The following CDH18 variants were observed in gnomAD, a reference collection of about 807,000 sequenced individuals.
CDH18 encodes the protein cadherin-18.
In CDH18, 31 loss-of-function variants were observed where a neutral mutation model predicts 67.9. That is an observed-to-expected ratio of 0.46 (90% CI 0.34 to 0.62). The LOEUF is 0.62. Ranked by LOEUF, CDH18 falls within the 20% of genes least tolerant of loss-of-function variation. CDH18 has a pLI of 0.01. For missense variants in CDH18, 890 were observed against 975.5 expected, an observed-to-expected ratio of 0.91 and a Z score of 1.17; for synonymous variants, 362 against 347.2, an observed-to-expected ratio of 1.04 and a Z score of -0.48.
intron 2 of CDH18, among the ~76,000 whole-genome samples, chr5:20,086,384 T>G (rs1343251196): frequency 6.6e-6 from 1 of 152,224 alleles, no homozygotes; most frequent in Non-Finnish European, 1.5e-5. Flanking sequence ...CTACACCGAT[T>G]TATCTGGAAG....
intron 2 of CDH18, among the ~76,000 whole-genome samples, chr5:19,867,998 C>T (rs892819331): frequency 2.0e-5 from 3 of 152,142 alleles, no homozygotes; most frequent in South Asian, 2.1e-4. Context: ...CAGCACTTCT[C>T]CTTCCTGCCA....
At chr5:19,504,392 A>C (rs576365602) in intron 10 of CDH18, among the ~76,000 whole-genome samples, 1 of 151,888 alleles carries the variant, frequency 6.6e-6, no homozygotes, top group Non-Finnish European at 1.5e-5. Flanking sequence ...ATTTCCCTCC[A>C]TATTTATTTA....
At chr5:20,496,282 C>T (rs1284392182) in intron 1 of CDH18, among the ~76,000 whole-genome samples, 1 of 152,084 alleles carries the variant, frequency 6.6e-6, no homozygotes, top group Non-Finnish European at 1.5e-5. Context: ...GTTTCTACAG[C>T]TCAATACTGT....
At chr5:20,573,863 AAT>A (rs1382788371) in intron 1 of CDH18, among the ~76,000 whole-genome samples, 45 of 22,348 alleles carry the variant, frequency 2.0e-3, no homozygotes, top group South Asian at 8.7e-3. Context: ...ATATAAAAGA[AAT>A]ATATATATGT....
At chr5:20,324,104 C>T (rs73763356) in intron 1 of CDH18, among the ~76,000 whole-genome samples, 16,468 of 152,078 alleles carry the variant, frequency 0.11, 1,443 homozygotes, top group East Asian at 0.36. Context: ...AAATATACTA[C>T]ATCGATTTAA....
At chr5:19,587,415 T>C (rs1456973573) in intron 7 of CDH18, among the ~76,000 whole-genome samples, 1 of 152,180 alleles carries the variant, frequency 6.6e-6, no homozygotes, top group Non-Finnish European at 1.5e-5. Flanking sequence ...AGGATTTTTA[T>C]AGTTTTGGGT....
At chr5:19,794,328 T>C (rs533948019) in intron 3 of CDH18, among the ~76,000 whole-genome samples, 105 of 152,200 alleles carry the variant, frequency 6.9e-4, no homozygotes, top group Non-Finnish European at 2.8e-4. Flanking sequence ...ATACAATCAA[T>C]TGAGAGACCA....
chr5:19,843,094 G>T (rs1561422596), intron 2 of CDH18, among the ~76,000 whole-genome samples: 2 of 152,290 alleles, frequency 1.3e-5, no homozygotes, highest in East Asian at 3.9e-4. Context: ...GCCAGCTTGA[G>T]AAATTTGCAT....
intron 11 of CDH18, among the ~76,000 whole-genome samples, chr5:19,499,599 T>A (rs903419242): frequency 4.6e-5 from 7 of 152,236 alleles, no homozygotes; most frequent in Non-Finnish European, 5.9e-5. Context: ...CCTCATTTTG[T>A]CTAACCAATT....
At chr5:20,553,109 T>G (rs1165544535) in intron 1 of CDH18, among the ~76,000 whole-genome samples, 1 of 152,128 alleles carries the variant, frequency 6.6e-6, no homozygotes, top group Non-Finnish European at 1.5e-5. Context: ...AAAATAAATT[T>G]TAATTGTTAA....
At chr5:20,494,461 G>A (rs534740008) in intron 1 of CDH18, among the ~76,000 whole-genome samples, 19 of 152,006 alleles carry the variant, frequency 1.2e-4, no homozygotes, top group East Asian at 1.2e-3. Flanking sequence ...AGGAATTTTC[G>A]TTTCAAGATG....
intron 11 of CDH18, among the ~76,000 whole-genome samples, chr5:19,490,017 A>C (rs115462364): frequency 0.013 from 1,926 of 152,246 alleles, 35 homozygotes; most frequent in African/African-American, 0.043. Context: ...CTGAACTCCA[A>C]GAGAAAACTT....
Position 20,247,548 on chromosome 5 carries a change from G to A in CDH18, c.-518+7896C>T, listed in dbSNP as rs535250650. Among the ~76,000 whole-genome samples, 8 of 152,092 alleles carry A rather than the reference G, an allele frequency of 5.3e-5. No homozygotes were observed. The East Asian group carries it at 1.6e-3, about 29-fold the overall frequency. The stretch of plus-strand genomic sequence containing the variant: ...TTGGAGGGCGAAATGGGTGGATAAC[G>A]AGGTCAAGAGATCGAGACCATCCTG... On this transcript the variant is annotated intron_variant, in intron 2 of 14. Coordinates refer to the CDH18 transcript ENST00000507958.
At chr5:19,764,044 T>G (rs574690882) in intron 3 of CDH18, among the ~76,000 whole-genome samples, 3 of 144,696 alleles carry the variant, frequency 2.1e-5, no homozygotes, top group Non-Finnish European at 4.5e-5. Flanking sequence ...GGCAGATGCC[T>G]GTAATCCCAG....
intron 1 of CDH18, among the ~76,000 whole-genome samples, chr5:20,430,312 C>T (rs1748637061): frequency 6.6e-6 from 1 of 152,174 alleles, no homozygotes; most frequent in South Asian, 2.1e-4. Flanking sequence ...CACACATTGA[C>T]TCCAGCTGTT....
chr5:19,687,408 C>CA (rs1321505576), intron 5 of CDH18, among the ~76,000 whole-genome samples: 6 of 152,222 alleles, frequency 3.9e-5, no homozygotes, highest in African/African-American at 1.4e-4. Flanking sequence ...TACATTCACA[C>CA]AGAGGACTAC....
intron 1 of CDH18, among the ~76,000 whole-genome samples, chr5:20,535,150 A>G (rs1756640751): frequency 6.6e-6 from 1 of 152,118 alleles, no homozygotes; most frequent in South Asian, 2.1e-4. Context: ...ACAAAGACAT[A>G]CTAGGGAGAA....
chr5:20,188,507 T>G (rs1299977129), intron 2 of CDH18, among the ~76,000 whole-genome samples: 1 of 151,978 alleles, frequency 6.6e-6, no homozygotes, highest in Non-Finnish European at 1.5e-5. Context: ...ATCTTCATCA[T>G]TATCATTTTC....
intron 1 of CDH18, among the ~76,000 whole-genome samples, chr5:20,366,601 G>A (rs1742537318): frequency 6.6e-6 from 1 of 152,076 alleles, no homozygotes; most frequent in Non-Finnish European, 1.5e-5. Flanking sequence ...CATAATCATT[G>A]GCAAGCGGCT....
Sources: allele counts gnomAD v4.1 joint callset (sites outside exome capture counted in the v4.1 genomes callset), GRCh38; gene constraint gnomAD v4.1.1; transcripts MANE v1.5; gene names NCBI Gene and HGNC (gene_info 2026-07-23, HGNC 2026-07-21).